RPS6KA1: variants seen among roughly 807,000 people sequenced by gnomAD.
RPS6KA1 encodes ribosomal protein S6 kinase A1.
RPS6KA1 carries 48 observed loss-of-function variants against 91.3 expected under a neutral mutation model. The ratio of observed to expected loss-of-function variants is 0.53; its 90% CI spans 0.42 to 0.67. The LOEUF is 0.67. RPS6KA1 is among the 30% of genes least tolerant of loss of function. The pLI, the probability that RPS6KA1 is intolerant of heterozygous loss-of-function variation, is 0.00. For synonymous variants in RPS6KA1, 359 were observed against 384.7 expected (o/e 0.93, Z 0.78); for missense variants, 719 against 960.5 (o/e 0.75, Z 3.32).
At chr1:26,538,286 A>G (rs531987804) in intron 2 of RPS6KA1, among the ~76,000 whole-genome samples, 3 of 152,310 alleles carry the variant, frequency 2.0e-5, no homozygotes, top group African/African-American at 7.2e-5. Flanking sequence ...GAAGAACTGT[A>G]GGTTCCCAGT....
chr1:26,531,997 C>A (rs561233688), intron 1 of RPS6KA1, among the ~76,000 whole-genome samples: 1 of 152,278 alleles, frequency 6.6e-6, no homozygotes, highest in East Asian at 1.9e-4. Context: ...CTGACCTGCA[C>A]GTACAGGCAC....
chr1:26,556,631 A>T, intron 11 of RPS6KA1, 23 bp from the exon 12 acceptor site: 1 of 1,613,746 alleles, frequency 6.2e-7, no homozygotes, highest in Non-Finnish European at 8.5e-7. Context: ...CCAGGGACAG[A>T]CCCTTCATTT....
intron 17 of RPS6KA1, among the ~76,000 whole-genome samples, chr1:26,568,419 G>C (rs2076222462): frequency 1.3e-5 from 2 of 152,060 alleles, no homozygotes; most frequent in Admixed American, 1.3e-4. Context: ...ATAGGAATTT[G>C]TAGTTTCTCT....
At position 26,555,249 on chromosome 1, in the gene RPS6KA1, A is replaced by G. The variant is rs1018157470; in HGVS notation, c.827+28A>G. ...AAGCCCCAGCCCTGCCCTGATAACA[A>G]TGGACTCCTCCAAGCCCCAGCCCCA... is the stretch of plus-strand genomic sequence containing the variant. On this transcript the variant is annotated intron_variant, in intron 10 of 21. Coordinates refer to ENST00000374168, the MANE Select transcript of RPS6KA1 (RefSeq NM_002953.4). The surrounding 1 kb of genome is among the most constrained non-coding windows in gnomAD (Gnocchi z 4.3). The G allele has an allele frequency of 9.3e-6, 15 of 1,608,440 alleles. No homozygotes were observed. The highest frequency in any genetic ancestry group is 1.7e-5 in the Admixed American group (1 of 59,924).
chr1:26,547,889 G>A lies in RPS6KA1; in HGVS notation c.307+619G>A, dbSNP rs969311035. 1.1e-4 allele frequency among the ~76,000 whole-genome samples: 16 copies of A among 152,192 alleles called. No individual in the cohort carries two copies. The highest frequency in any genetic ancestry group is 2.6e-4 in the Admixed American group (4 of 15,282). Reference sequence around the variant, plus strand: ...CAAGTCTCTCTTTAAATAAGTCAAGGCCGGGCGCGGTGGCTCACACCTGTA... The same window carrying A: ...CAAGTCTCTCTTTAAATAAGTCAAGACCGGGCGCGGTGGCTCACACCTGTA... On this transcript the variant is annotated intron_variant, in intron 4 of 21. Transcript: ENST00000374168. This position sits in a 1 kb window ranked among gnomAD's most constrained non-coding sequence, Gnocchi z 4.1.
intron 21 of RPS6KA1, among the ~76,000 whole-genome samples, chr1:26,573,815 G>A (rs146812836): frequency 0.014 from 2,091 of 152,196 alleles, 18 homozygotes; most frequent in African/African-American, 0.036. Context: ...GCAAGCGCCT[G>A]TAATCCCAGC....
At position 26,571,403 on chromosome 1, in the gene RPS6KA1, A is replaced by G. The variant is rs1300397065; in HGVS notation, c.1591-46A>G. The G allele has an allele frequency of 6.3e-7, 1 of 1,598,010 alleles. No individual in the cohort carries two copies. On this transcript the variant is annotated intron_variant, in intron 17 of 21. Coordinates refer to ENST00000374168, the MANE Select transcript of RPS6KA1 (RefSeq NM_002953.4). The surrounding 1 kb of genome is among the most constrained non-coding windows in gnomAD (Gnocchi z 5.1). ...TCTCTGGCCGCTGACCTGGGCCACT[A>G]GCCACCTCCCCACACTGAGAACTGA...
intron 1 of RPS6KA1, among the ~76,000 whole-genome samples, chr1:26,532,840 A>G (rs2075878074): frequency 1.3e-5 from 2 of 152,188 alleles, no homozygotes; most frequent in Non-Finnish European, 1.5e-5. Context: ...GGCCCTGGGC[A>G]TCTGTCCTCA....
At chr1:26,553,630 AG>A in intron 7 of RPS6KA1, 133 bp downstream of exon 7, 1 of 523,558 alleles carries the variant, frequency 1.9e-6, no homozygotes, top group Non-Finnish European at 3.5e-6. Flanking sequence ...GGGATGGGTG[AG>A]TGGGGTGGGT....
In RPS6KA1 at chr1:26,571,413, C is replaced by T; in HGVS notation, c.1591-36C>T. 4 of 1,610,036 alleles carry T rather than the reference C, an allele frequency of 2.5e-6. No homozygotes were observed. Among genetic ancestry groups the T allele is most frequent in the Non-Finnish European group, 3.4e-6 (4 of 1,177,016 alleles). On this transcript the variant is annotated intron_variant, in intron 17 of 21. Coordinates refer to ENST00000374168, the MANE Select transcript of RPS6KA1 (RefSeq NM_002953.4). The surrounding 1 kb of genome is among the most constrained non-coding windows in gnomAD (Gnocchi z 5.1). ...CTGACCTGGGCCACTAGCCACCTCC[C>T]CACACTGAGAACTGACCCCAGCCCC...
chr1:26,539,764 C>T (rs2075933179), intron 2 of RPS6KA1, among the ~76,000 whole-genome samples: 1 of 152,210 alleles, frequency 6.6e-6, no homozygotes, highest in African/African-American at 2.4e-5. Flanking sequence ...CACCTAGGTG[C>T]ACGTGGTACC....
In RPS6KA1 at chr1:26,546,935, A is replaced by G. The variant is rs1233823385; in HGVS notation, c.177A>G (p.Pro59=). The change falls in exon 3 of 22, where the codon CCA becomes CCG. Residue 59 remains proline, a synonymous_variant. Coordinates refer to ENST00000374168, the MANE Select transcript of RPS6KA1 (RefSeq NM_002953.4). The part of the protein sequence containing the change: ...HVKAGSEKAD[P]SHFELLKVLG... Reference sequence around the variant, plus strand: ...AGGCTGGCTCTGAGAAGGCTGATCCATCCCATTTCGAGCTCCTCAAGGTTC... The same window carrying G: ...AGGCTGGCTCTGAGAAGGCTGATCCGTCCCATTTCGAGCTCCTCAAGGTTC... 6.2e-7 allele frequency: 1 copy of G among 1,614,154 alleles called. No homozygotes were observed. Among genetic ancestry groups the G allele is most frequent in the Non-Finnish European group, 8.5e-7 (1 of 1,180,034 alleles).
In RPS6KA1 at chr1:26,547,992, C is replaced by T. The variant is rs1040635799; in HGVS notation, c.307+722C>T. Among the ~76,000 whole-genome samples the T allele has an allele frequency of 5.3e-5, 8 of 152,234 alleles. No individual in the cohort carries two copies. The highest frequency in any genetic ancestry group is 4.6e-4 in the Admixed American group (7 of 15,304). ...CAAGACCTGACCAACATGTTGAAACCCCGTCTCTACTAAAAATACAAAGAA... is the reference window on the plus strand; with the variant it reads ...CAAGACCTGACCAACATGTTGAAACTCCGTCTCTACTAAAAATACAAAGAA... On this transcript the variant is annotated intron_variant, in intron 4 of 21. Coordinates refer to ENST00000374168, the MANE Select transcript of RPS6KA1 (RefSeq NM_002953.4). The surrounding 1 kb of genome is among the most constrained non-coding windows in gnomAD (Gnocchi z 4.1).
chr1:26,569,216 C>T (rs1489156510), intron 17 of RPS6KA1, among the ~76,000 whole-genome samples: 1 of 152,018 alleles, frequency 6.6e-6, no homozygotes, highest in Non-Finnish European at 1.5e-5. Flanking sequence ...TGGTTTTCTC[C>T]TCTGTAAAAT....
intron 2 of RPS6KA1, chr1:26,546,156 G>T (rs555951801): frequency 1.7e-6 from 2 of 1,143,302 alleles, no homozygotes; most frequent in East Asian, 5.8e-5. Flanking sequence ...CCTGCAGGGT[G>T]ACTGGACCCT....
At chr1:26,564,018 G>T (rs1047179694) in intron 17 of RPS6KA1, among the ~76,000 whole-genome samples, 2 of 152,080 alleles carry the variant, frequency 1.3e-5, no homozygotes, top group Non-Finnish European at 2.9e-5. Flanking sequence ...AGCTACTCTG[G>T]TGGCTGAGGC....
At chr1:26,567,442 G>T (rs1175617519) in intron 17 of RPS6KA1, among the ~76,000 whole-genome samples, 4 of 151,984 alleles carry the variant, frequency 2.6e-5, no homozygotes, top group African/African-American at 7.3e-5. Context: ...GTACAATGGC[G>T]CAGTCTCGGC....
intron 2 of RPS6KA1, among the ~76,000 whole-genome samples, chr1:26,537,223 C>T (rs1172410723): frequency 6.6e-6 from 1 of 152,228 alleles, no homozygotes; most frequent in Admixed American, 6.5e-5. Context: ...TTACCTGTCA[C>T]CCAGGCCAGG....
At chr1:26,537,067 C>A (rs540592044) in intron 2 of RPS6KA1, 98 bp downstream of exon 2, 1 of 1,292,766 alleles carries the variant, frequency 7.7e-7, no homozygotes, top group Non-Finnish European at 1.1e-6. Flanking sequence ...AGCCCCTTTG[C>A]CCAACTCAGC....
Sources: allele counts gnomAD v4.1 joint callset (sites outside exome capture counted in the v4.1 genomes callset), GRCh38; gene constraint gnomAD v4.1.1; non-coding constraint Gnocchi (gnomAD v3.1); transcripts MANE v1.5; gene names NCBI Gene and HGNC (gene_info 2026-07-23, HGNC 2026-07-21).